Variants in ZER1 observed in about 807,000 individuals in gnomAD.
ZER1 encodes the protein zyg-11 related cell cycle regulator.
A neutral mutation model predicts 78.8 loss-of-function variants in ZER1; 11 were observed. That is an observed-to-expected ratio of 0.14 (90% CI 0.09 to 0.23). ZER1 has a LOEUF of 0.23. ZER1 is among the 10% of genes least tolerant of loss of function. The pLI is 1.00. For synonymous variants in ZER1, 400 were observed against 407.0 expected, an observed-to-expected ratio of 0.98 and a Z score of 0.21; for missense variants, 588 against 996.9, an observed-to-expected ratio of 0.59 and a Z score of 5.52.
chr9:128,770,132 T>C (rs181127115), intron 1 of ZER1, among the ~76,000 whole-genome samples: 22 of 152,038 alleles, frequency 1.4e-4, no homozygotes, highest in South Asian at 6.2e-4. Context: ...TGTTTCTTTC[T>C]TTTTTTTGAG....
At chr9:128,758,349 C>A (rs10739732) in intron 1 of ZER1, among the ~76,000 whole-genome samples, 65,417 of 151,716 alleles carry the variant, frequency 0.43, 14,560 homozygotes, top group East Asian at 0.63. Context: ...TGGTCTCGAA[C>A]TCCTGACCTC....
At chr9:128,735,065 TG>T (rs1212259442) in intron 14 of ZER1, among the ~76,000 whole-genome samples, 2 of 34,792 alleles carry the variant, frequency 5.7e-5, no homozygotes, top group Non-Finnish European at 3.8e-4. Context: ...GATTTTGGAC[TG>T]TTCCTGCACA....
chr9:128,769,751 C>T lies in ZER1; in HGVS notation c.-95+1830G>A, dbSNP rs561117202. 2.0e-4 allele frequency among the ~76,000 whole-genome samples: 30 copies of T among 152,222 alleles called. No individual in the cohort carries two copies. In the South Asian group the frequency reaches 3.3e-3, roughly 17 times the overall value. Reference sequence around the variant, plus strand: ...AGAAGATTGAGGTGGAAAAAGGTCCCGTGCCCACCTTCTCACAACCAGGAA... The same window carrying T: ...AGAAGATTGAGGTGGAAAAAGGTCCTGTGCCCACCTTCTCACAACCAGGAA... On this transcript the variant is annotated intron_variant, in intron 1 of 15. Transcript: ENST00000291900.
At position 128,731,458 on chromosome 9, in the gene ZER1, C is replaced by T. The variant is rs1363659247; in HGVS notation, c.2244-64G>A. 7 of 1,355,954 alleles carry T rather than the reference C, an allele frequency of 5.2e-6. No homozygotes were observed. In the East Asian group the frequency reaches 6.9e-5, roughly 13 times the overall value. The allele number at this position is 1,355,954 out of a possible 1,614,324, so 84.0% of individuals were successfully genotyped here. ...TGGGTGGGGGTGAGCCCAGCCCCTC[C>T]GAGATCATTAGGCAGCTGGGTAAAC... On this transcript the variant is annotated intron_variant, in intron 15 of 15. Transcript: ENST00000291900.
At chr9:128,771,508 G>A (rs1864382411) in intron 1 of ZER1, 73 bp downstream of exon 1, 3 of 152,630 alleles carry the variant, frequency 2.0e-5, no homozygotes, top group South Asian at 4.1e-4. Context: ...CAGCGGCGAT[G>A]CTTAGGCCCC....
At chr9:128,749,757 T>C (rs1160215760) in intron 8 of ZER1, among the ~76,000 whole-genome samples, 1 of 145,044 alleles carries the variant, frequency 6.9e-6, no homozygotes, top group Admixed American at 7.0e-5. Flanking sequence ...AAAAATTTGT[T>C]GGCTGGCCAG....
chr9:128,766,077 G>A lies in ZER1; in HGVS notation c.-95+5504C>T, dbSNP rs1288024899. Among the ~76,000 whole-genome samples the A allele has an allele frequency of 2.6e-5, 4 of 152,220 alleles. No individual in the cohort carries two copies. The South Asian group carries it at 6.2e-4, about 24-fold the overall frequency. ...TATATACCAAGAATTCTGGCTGGGCGTGGAGGCTCACGCCTCTAATCCCAG... is the reference window on the plus strand; with the variant it reads ...TATATACCAAGAATTCTGGCTGGGCATGGAGGCTCACGCCTCTAATCCCAG... On this transcript the variant is annotated intron_variant, in intron 1 of 15. Transcript: ENST00000291900.
chr9:128,733,598 C>A, intron 14 of ZER1, 70 bp from the exon 15 acceptor site: 2 of 1,400,614 alleles, frequency 1.4e-6, no homozygotes, highest in Middle Eastern at 2.3e-4. Flanking sequence ...CAGAAACCCA[C>A]CCTGTCTGTG....
At chr9:128,758,100 T>G (rs528803643) in intron 1 of ZER1, among the ~76,000 whole-genome samples, 2 of 151,684 alleles carry the variant, frequency 1.3e-5, no homozygotes, top group African/African-American at 4.8e-5. Context: ...CAATGTTTTT[T>G]TTTTTTAATT....
chr9:128,741,767 A>G (rs1262265475), intron 10 of ZER1, 33 bp downstream of exon 10: 3 of 1,613,996 alleles, frequency 1.9e-6, no homozygotes, highest in Admixed American at 3.3e-5. Context: ...AGGTGGGGAA[A>G]GGGTAGCGTG....
At position 128,731,310 on chromosome 9, in the gene ZER1, C is replaced by A; in HGVS notation, c.*27G>T. ...CTTCCTCCCCGCCTGTGGTCCAGAGCGGTGGCGGCCATGGGGACGGAGGCC... is the reference window on the plus strand; with the variant it reads ...CTTCCTCCCCGCCTGTGGTCCAGAGAGGTGGCGGCCATGGGGACGGAGGCC... On this transcript the variant is annotated 3_prime_UTR_variant, in exon 16 of 16. Transcript: ENST00000291900. The A allele has an allele frequency of 6.2e-7, 1 of 1,608,172 alleles. No individual in the cohort carries two copies. The highest frequency in any genetic ancestry group is 8.5e-7 in the Non-Finnish European group (1 of 1,176,678).
At chr9:128,768,010 T>C (rs1864269281) in intron 1 of ZER1, among the ~76,000 whole-genome samples, 1 of 152,206 alleles carries the variant, frequency 6.6e-6, no homozygotes, top group South Asian at 2.1e-4. Context: ...ACACGCTGTG[T>C]TGCGCGTGTT....
At chr9:128,752,591 G>C in intron 5 of ZER1, 82 bp downstream of exon 5, 3 of 1,441,000 alleles carry the variant, frequency 2.1e-6, no homozygotes, top group African/African-American at 1.4e-5. Context: ...AAAGTGCTGG[G>C]ATTACAGGCG....
Position 128,750,727 on chromosome 9 carries a change from G to A in ZER1, c.1248C>T (p.Ala416=), listed in dbSNP as rs1371965279. ...YDRNIQVTGS[A]ALFYLTNSEY... ...CGGAATTTGTTAGGTAGAAGAGAGC[G>A]GCGCTGCCTGTCACTTGAATGTTCC... Residue 416 remains alanine, a synonymous_variant, in exon 8 of 16, where the codon GCC becomes GCT. Coordinates refer to ENST00000291900, the MANE Select transcript of ZER1 (RefSeq NM_006336.4). The A allele has an allele frequency of 5.0e-6, 8 of 1,614,110 alleles. No individual in the cohort carries two copies. Among genetic ancestry groups the A allele is most frequent in the African/African-American group, 4.0e-5 (3 of 74,928 alleles).
chr9:128,758,386 A>T (rs1254640002), intron 1 of ZER1, among the ~76,000 whole-genome samples: 1 of 151,792 alleles, frequency 6.6e-6, no homozygotes, highest in East Asian at 1.9e-4. Flanking sequence ...TTGGCCTCCC[A>T]AAGTGCTGGG....
chr9:128,762,556 G>C (rs1259981158), intron 1 of ZER1, among the ~76,000 whole-genome samples: 2 of 152,214 alleles, frequency 1.3e-5, no homozygotes, highest in Non-Finnish European at 1.5e-5. Context: ...CTCATCCCCA[G>C]CACGGTGTGA....
intron 1 of ZER1, among the ~76,000 whole-genome samples, chr9:128,758,940 G>A (rs1026736560): frequency 1.5e-4 from 23 of 152,034 alleles, no homozygotes; most frequent in African/African-American, 4.8e-4. Context: ...ATCCAGGCTC[G>A]CTTACTGTGT....
At chr9:128,766,644 G>A (rs954755457) in intron 1 of ZER1, among the ~76,000 whole-genome samples, 88 of 151,658 alleles carry the variant, frequency 5.8e-4, no homozygotes, top group Non-Finnish European at 1.2e-3. Flanking sequence ...TCAGGAGTTC[G>A]AGCCCAGCCT....
chr9:128,739,730 T>C (rs1219332782), intron 13 of ZER1, among the ~76,000 whole-genome samples: 1 of 151,950 alleles, frequency 6.6e-6, no homozygotes, highest in Non-Finnish European at 1.5e-5. Flanking sequence ...GTATGACAAA[T>C]GCTCCAGGCT....
Sources: allele counts gnomAD v4.1 joint callset (sites outside exome capture counted in the v4.1 genomes callset), GRCh38; gene constraint gnomAD v4.1.1; transcripts MANE v1.5; gene names NCBI Gene and HGNC (gene_info 2026-07-23, HGNC 2026-07-21).